The following SEMA5A variants were observed in gnomAD, a reference collection of about 807,000 sequenced individuals.
SEMA5A encodes the protein semaphorin 5A.
Under a neutral mutation model 135.5 loss-of-function variants are expected in SEMA5A, and 55 were observed. The ratio of observed to expected loss-of-function variants is 0.41; its 90% confidence interval spans 0.33 to 0.51. The LOEUF (loss-of-function observed/expected upper bound fraction) is 0.51. SEMA5A is among the 20% of genes least tolerant of loss of function. The pLI is 0.37. For missense variants in SEMA5A, 1,290 were observed against 1,419.9 expected, an observed-to-expected ratio of 0.91 and a Z score of 1.47; for synonymous variants, 580 against 546.5, an observed-to-expected ratio of 1.06 and a Z score of -0.85.
intron 1 of SEMA5A, chr5:9,516,500 C>G (rs1736528193): frequency 6.6e-6 from 1 of 152,122 alleles, no homozygotes; most frequent in Non-Finnish European, 1.5e-5. Flanking sequence ...GCCCACTGGA[C>G]AAAATTTTAA....
Position 9,414,242 on chromosome 5 carries a change from T to C in SEMA5A, c.-78+23514A>G, listed in dbSNP as rs186824657. ...ACCATTAAACAACATTAATTTCATT[T>C]ACAATAAATGAAGCATAAGACATGG... On this transcript the variant is annotated intron_variant, in intron 2 of 22. Transcript: ENST00000382496. 3.3e-5 allele frequency among the ~76,000 whole-genome samples: 5 copies of C among 152,370 alleles called. No homozygotes were observed. In the East Asian group the frequency reaches 5.8e-4, roughly 18 times the overall value.
intron 1 of SEMA5A, among the ~76,000 whole-genome samples, chr5:9,463,522 A>G (rs903140270): frequency 7.2e-5 from 11 of 152,290 alleles, no homozygotes; most frequent in Non-Finnish European, 1.6e-4. Flanking sequence ...GAGCCTGAGT[A>G]AACATAGTGA....
chr5:9,286,783 G>T (rs1194881181), intron 5 of SEMA5A, among the ~76,000 whole-genome samples: 1 of 151,868 alleles, frequency 6.6e-6, no homozygotes, highest in East Asian at 1.9e-4. Context: ...CTGAAAAATG[G>T]CAAATTCATC....
intron 2 of SEMA5A, among the ~76,000 whole-genome samples, chr5:9,432,763 G>A (rs1316587977): frequency 6.6e-6 from 1 of 152,134 alleles, no homozygotes; most frequent in Non-Finnish European, 1.5e-5. Context: ...TTTGTGATTT[G>A]ACCAGCCTTA....
chr5:9,083,102 A>T (rs1295537281), intron 16 of SEMA5A, among the ~76,000 whole-genome samples: 2 of 152,212 alleles, frequency 1.3e-5, no homozygotes, highest in Non-Finnish European at 1.5e-5. Context: ...TTCTCACATC[A>T]TGAATGATGT....
At chr5:9,122,117 AAAAT>A (rs529374733) in intron 14 of SEMA5A, among the ~76,000 whole-genome samples, 2 of 152,168 alleles carry the variant, frequency 1.3e-5, no homozygotes, top group Non-Finnish European at 2.9e-5. Flanking sequence ...AGTTGTAAAA[AAAAT>A]AAATAAATAA....
chr5:9,042,734 T>G lies in SEMA5A; in HGVS notation c.*163A>C, dbSNP rs992360044. 2.7e-5 allele frequency: 20 copies of G among 745,388 alleles called. No individual in the cohort carries two copies. The highest frequency in any genetic ancestry group is 4.1e-5 in the Non-Finnish European group (19 of 463,926). 46.2% of individuals were successfully genotyped at this position (745,388 alleles called of 1,614,324 possible). A position where few individuals can be genotyped will look rare whatever the true frequency, so the allele number is the denominator to read the frequency against. Reference sequence around the variant, plus strand: ...ATGTCTTATTTCAATTTTTGTTGCTTTTAAAGACGTGTATTTTTGGCAGCA... The same window carrying G: ...ATGTCTTATTTCAATTTTTGTTGCTGTTAAAGACGTGTATTTTTGGCAGCA... On this transcript the variant is annotated 3_prime_UTR_variant, in exon 23 of 23. Coordinates refer to ENST00000382496, the MANE Select transcript of SEMA5A (RefSeq NM_003966.3).
At chr5:9,524,283 C>A (rs923303908) in intron 1 of SEMA5A, among the ~76,000 whole-genome samples, 1 of 152,170 alleles carries the variant, frequency 6.6e-6, no homozygotes, top group African/African-American at 2.4e-5. Flanking sequence ...TCATGAATTA[C>A]CCAGTCTCAG....
intron 5 of SEMA5A, among the ~76,000 whole-genome samples, chr5:9,273,140 A>G (rs1750073018): frequency 6.6e-6 from 1 of 152,106 alleles, no homozygotes; most frequent in African/African-American, 2.4e-5. Context: ...AGAGAAGAAC[A>G]TAAATGATCT....
intron 5 of SEMA5A, among the ~76,000 whole-genome samples, chr5:9,317,254 C>T (rs10040952): frequency 0.32 from 48,484 of 151,962 alleles, 10,704 homozygotes; most frequent in African/African-American, 0.63. Context: ...TATTTATTAT[C>T]ATCACTTTAA....
chr5:9,276,380 C>T (rs188321567), intron 5 of SEMA5A, among the ~76,000 whole-genome samples: 237 of 152,314 alleles, frequency 1.6e-3, no homozygotes, highest in Non-Finnish European at 2.8e-3. Context: ...AATGGCCATA[C>T]TGCCCAAAGT....
chr5:9,276,601 C>T (rs755462741), intron 5 of SEMA5A, among the ~76,000 whole-genome samples: 3 of 151,978 alleles, frequency 2.0e-5, no homozygotes, highest in Admixed American at 1.3e-4. Context: ...GGTACTGGTA[C>T]CAAAACACAT....
At chr5:9,431,171 G>A (rs1757844189) in intron 2 of SEMA5A, among the ~76,000 whole-genome samples, 1 of 152,076 alleles carries the variant, frequency 6.6e-6, no homozygotes, top group Non-Finnish European at 1.5e-5. Flanking sequence ...CTGTAGTAAG[G>A]AGGTGGCCTG....
intron 1 of SEMA5A, among the ~76,000 whole-genome samples, chr5:9,449,414 T>C (rs1315190918): frequency 2.0e-5 from 3 of 152,000 alleles, no homozygotes; most frequent in Admixed American, 2.0e-4. Flanking sequence ...TTGGGACCTG[T>C]TGGGAGCATG....
chr5:9,496,650 A>C (rs1735318303), intron 1 of SEMA5A, among the ~76,000 whole-genome samples: 1 of 152,296 alleles, frequency 6.6e-6, no homozygotes, highest in Non-Finnish European at 1.5e-5. Context: ...AAAATTTGAA[A>C]TTCAGAGTTG....
intron 1 of SEMA5A, chr5:9,517,110 G>C (rs191756316): frequency 1.3e-5 from 2 of 152,178 alleles, no homozygotes; most frequent in African/African-American, 4.8e-5. Flanking sequence ...AAGGAAGTAC[G>C]ATCTGTTCTT....
rs34284267 is a variant in SEMA5A at position 9,151,791 on chromosome 5, C to T, written c.1481+2697G>A. Reference sequence around the variant, plus strand: ...AGTCTATCAGTTGAAAATGAAGTTACGATTTCTTACTGCTTCTCTCAGAGT... The same window carrying T: ...AGTCTATCAGTTGAAAATGAAGTTATGATTTCTTACTGCTTCTCTCAGAGT... On this transcript the variant is annotated intron_variant, in intron 12 of 22. Transcript: ENST00000382496. Among the ~76,000 whole-genome samples the T allele has an allele frequency of 6.1e-3, 930 of 152,302 alleles. 12 individuals carry two copies. Among genetic ancestry groups the T allele is most frequent in the Middle Eastern group, 0.017 (5 of 294 alleles).
At chr5:9,533,127 C>T (rs1737550540) in intron 1 of SEMA5A, among the ~76,000 whole-genome samples, 1 of 152,196 alleles carries the variant, frequency 6.6e-6, no homozygotes, top group Admixed American at 6.5e-5. Flanking sequence ...GTTGAACACG[C>T]CAATTCGTCT....
chr5:9,107,189 C>A (rs540385540), intron 16 of SEMA5A, among the ~76,000 whole-genome samples: 18 of 152,288 alleles, frequency 1.2e-4, no homozygotes, highest in African/African-American at 3.4e-4. Flanking sequence ...ACCTTTGCCA[C>A]TGTCTGTGTC....
Sources: allele counts gnomAD v4.1 joint callset (sites outside exome capture counted in the v4.1 genomes callset), GRCh38; gene constraint gnomAD v4.1.1; transcripts MANE v1.5; gene names NCBI Gene and HGNC (gene_info 2026-07-23, HGNC 2026-07-21).